ANK2: variants seen among roughly 807,000 people sequenced by gnomAD.
ANK2 encodes the protein ankyrin 2.
A neutral mutation model predicts 360.5 loss-of-function variants in ANK2; 83 were observed. The ratio of observed to expected loss-of-function variants is 0.23; its 90% CI spans 0.19 to 0.28. The LOEUF (loss-of-function observed/expected upper bound fraction) is 0.28. ANK2 is among the 10% of genes least tolerant of loss of function. ANK2 has a pLI of 1.00. For missense variants in ANK2, 4,201 were observed against 4,795.7 expected, an observed-to-expected ratio of 0.88 and a Z score of 3.66; for synonymous variants, 1,740 against 1,759.5, an observed-to-expected ratio of 0.99 and a Z score of 0.28.
chr4:113,187,568 T>C (rs1323221593), intron 2 of ANK2, among the ~76,000 whole-genome samples: 1 of 152,198 alleles, frequency 6.6e-6, no homozygotes, highest in Non-Finnish European at 1.5e-5. Flanking sequence ...AACTGGGAAC[T>C]TGGAACTTTA....
chr4:113,131,269 C>T (rs960490445), intron 1 of ANK2, among the ~76,000 whole-genome samples: 1 of 152,124 alleles, frequency 6.6e-6, no homozygotes, highest in African/African-American at 2.4e-5. Context: ...TCATCTCAAG[C>T]CTTGTTCACA....
chr4:113,331,949 A>G (rs1245229208), intron 27 of ANK2, 23 bp from the exon 28 acceptor site: 17 of 1,593,612 alleles, frequency 1.1e-5, no homozygotes, highest in Non-Finnish European at 1.5e-5. Flanking sequence ...TCTTTCTTTC[A>G]CTGCTGCTTT....
chr4:113,158,483 C>T (rs572859734), intron 1 of ANK2, among the ~76,000 whole-genome samples: 26 of 151,854 alleles, frequency 1.7e-4, no homozygotes, highest in Admixed American at 1.7e-3. Context: ...ACTAATATAT[C>T]CTATGATTAT....
At chr4:113,312,316 C>T (rs746611726) in intron 24 of ANK2, among the ~76,000 whole-genome samples, 4 of 151,608 alleles carry the variant, frequency 2.6e-5, no homozygotes, top group Admixed American at 2.6e-4. Context: ...AGTTTGTCCA[C>T]GTAGTGTAAT....
intron 2 of ANK2, among the ~76,000 whole-genome samples, chr4:112,924,940 G>C (rs1020642630): frequency 6.7e-6 from 1 of 149,892 alleles, no homozygotes; most frequent in Middle Eastern, 3.4e-3. Flanking sequence ...CCCGGTTCAC[G>C]CAATCCTACT....
At chr4:113,340,421 G>A (rs1471750972) in intron 32 of ANK2, among the ~76,000 whole-genome samples, 1 of 152,190 alleles carries the variant, frequency 6.6e-6, no homozygotes, top group Non-Finnish European at 1.5e-5. Flanking sequence ...GGCTGGGCCT[G>A]GTGGCTCATG....
chr4:112,809,742 G>A, the ANK2 span, among the ~76,000 whole-genome samples: 20 of 149,398 alleles, frequency 1.3e-4, no homozygotes, highest in African/African-American at 4.7e-4. Flanking sequence ...ACTGAGGTGG[G>A]AGGATCACCT....
At chr4:112,890,426 T>C (rs2079610767) in intron 1 of ANK2, among the ~76,000 whole-genome samples, 1 of 152,132 alleles carries the variant, frequency 6.6e-6, no homozygotes, top group South Asian at 2.1e-4. Context: ...ATCAGATATT[T>C]GGGCTGTAGA....
intron 23 of ANK2, among the ~76,000 whole-genome samples, chr4:113,305,710 T>A (rs1260895900): frequency 6.6e-6 from 1 of 152,240 alleles, no homozygotes; most frequent in Admixed American, 6.5e-5. Context: ...GAGGTTAATA[T>A]GTTTTTATGA....
intron 17 of ANK2, among the ~76,000 whole-genome samples, chr4:113,280,768 C>T (rs2061980384): frequency 6.6e-6 from 1 of 152,164 alleles, no homozygotes; most frequent in Non-Finnish European, 1.5e-5. Context: ...GGCAAACCTC[C>T]TCCATTGCCA....
chr4:113,223,822 G>A (rs2099181576), intron 4 of ANK2, among the ~76,000 whole-genome samples: 1 of 152,142 alleles, frequency 6.6e-6, no homozygotes, highest in Non-Finnish European at 1.5e-5. Context: ...GTGGAGTGGT[G>A]GCTTAGTTGT....
intron 1 of ANK2, among the ~76,000 whole-genome samples, chr4:113,135,517 G>C (rs1285263565): frequency 6.8e-6 from 1 of 147,368 alleles, no homozygotes; most frequent in Non-Finnish European, 1.5e-5. Flanking sequence ...AGCTGTGTGT[G>C]TCTCTCTGTG....
intron 4 of ANK2, among the ~76,000 whole-genome samples, chr4:113,201,792 C>A (rs555238204): frequency 6.6e-6 from 1 of 152,288 alleles, no homozygotes; most frequent in South Asian, 2.1e-4. Flanking sequence ...GGAGAACAAG[C>A]TAAAACCATT....
At chr4:113,317,878 T>A (rs1252831121) in intron 25 of ANK2, 69 bp downstream of exon 25, 2 of 1,333,172 alleles carry the variant, frequency 1.5e-6, no homozygotes, top group South Asian at 1.2e-5. Flanking sequence ...ATGCTAGAAA[T>A]GTCCTGAGAA....
At chr4:113,198,073 G>C (rs932103094) in intron 3 of ANK2, among the ~76,000 whole-genome samples, 3 of 152,136 alleles carry the variant, frequency 2.0e-5, no homozygotes, top group African/African-American at 7.2e-5. Context: ...TGTTAATATA[G>C]TGTATTCATT....
At chr4:112,781,890 C>T in the ANK2 span, among the ~76,000 whole-genome samples, 10 of 135,688 alleles carry the variant, frequency 7.4e-5, no homozygotes, top group African/African-American at 1.4e-4. Context: ...AGTGCAGTGG[C>T]GTGATATTGG....
chr4:113,195,251 A>G (rs2098731194), intron 2 of ANK2, among the ~76,000 whole-genome samples: 1 of 152,130 alleles, frequency 6.6e-6, no homozygotes, highest in African/African-American at 2.4e-5. Flanking sequence ...GTGGTCAGGA[A>G]TTAACAATGA....
At chr4:112,866,689 TA>T (rs1348738153) in intron 1 of ANK2, among the ~76,000 whole-genome samples, 20 of 152,304 alleles carry the variant, frequency 1.3e-4, no homozygotes, top group Middle Eastern at 3.4e-3. Context: ...TTTCTCGTGT[TA>T]TTTTTTTTTA....
In ANK2 at chr4:112,828,130, C is replaced by T. The variant is rs994378247; in HGVS notation, c.-40+9866C>T. ...AGCATTGGGGAAAGGATTCCCTATT[C>T]AATAAACACTGCTGGGATAACTGGC... On this transcript the variant is annotated intron_variant, in intron 1 of 30. Coordinates refer to the ANK2 transcript ENST00000503271. Among the ~76,000 whole-genome samples the T allele has an allele frequency of 7.7e-4, 117 of 151,170 alleles. 2 individuals carry two copies. Among genetic ancestry groups the T allele is most frequent in the Non-Finnish European group, 4.4e-4 (30 of 67,872 alleles).
Sources: gnomAD v4.1 joint callset for allele counts (sites outside exome capture counted in the v4.1 genomes callset) on GRCh38, gnomAD v4.1.1 for gene constraint, MANE v1.5 for transcripts, NCBI Gene and HGNC (gene_info 2026-07-23, HGNC 2026-07-21) for gene names.